SLC5A12: variants seen among roughly 807,000 people sequenced by gnomAD.
SLC5A12 encodes the protein solute carrier family 5 member 12.
In SLC5A12, 46 loss-of-function variants were observed where a neutral mutation model predicts 72.7. The ratio of observed to expected loss-of-function variants is 0.63; its 90% confidence interval spans 0.50 to 0.81. The LOEUF (loss-of-function observed/expected upper bound fraction) is 0.81. Among genes scored for constraint, SLC5A12 ranks in the 30% least tolerant of loss-of-function variants. SLC5A12 has a pLI of 0.00. For synonymous variants in SLC5A12, 275 were observed against 264.4 expected (o/e 1.04, Z -0.39); for missense variants, 683 against 740.7 (o/e 0.92, Z 0.90).
At chr11:26,697,372 A>G in intron 7 of SLC5A12, 120 bp from the exon 8 acceptor site, 1 of 804,978 alleles carries the variant, frequency 1.2e-6, no homozygotes, top group African/African-American at 1.8e-5. Context: ...ATGTGGGAAC[A>G]TAGCTGTTTA....
chr11:26,670,823 G>A lies in SLC5A12; in HGVS notation c.*279C>T. 3.6e-6 allele frequency: 1 copy of A among 276,354 alleles called. No individual in the cohort carries two copies. The highest frequency in any genetic ancestry group is 6.7e-6 in the Non-Finnish European group (1 of 149,620). The allele number at this position is 276,354 out of a possible 1,614,324, so 17.1% of individuals were successfully genotyped here. ...GCAAAAAGACTTCGCTTTCTTGAAT[G>A]GTAATGAAATCCAGCCCTAATTTAT... is the stretch of plus-strand genomic sequence containing the variant. On this transcript the variant is annotated 3_prime_UTR_variant, in exon 15 of 15. Transcript: ENST00000396005.
rs947387535 is a variant in SLC5A12 at position 26,669,161 on chromosome 11, C to A, written c.*1941G>T. The A allele has an allele frequency of 3.8e-5, 2 of 52,122 alleles. No homozygotes were observed. The highest frequency in any genetic ancestry group is 9.9e-5 in the Non-Finnish European group (2 of 20,236). 3.2% of individuals were successfully genotyped at this position (52,122 alleles called of 1,614,324 possible). A position where few individuals can be genotyped will look rare whatever the true frequency, so the allele number is the denominator to read the frequency against. ...TCTTTCTGTCTCTCTCTTCCTCTTC[C>A]TGTCTTTTTCTTTCTTTCTTTCTTC... On this transcript the variant is annotated 3_prime_UTR_variant, in exon 15 of 15. Transcript: ENST00000396005.
chr11:26,718,496 G>T (rs1222133672), intron 1 of SLC5A12, among the ~76,000 whole-genome samples: 1 of 152,138 alleles, frequency 6.6e-6, no homozygotes, highest in East Asian at 1.9e-4. Flanking sequence ...GTCTCACTCT[G>T]TTGCCCAGGT....
chr11:26,680,406 T>TAC (rs1208247220), intron 12 of SLC5A12, among the ~76,000 whole-genome samples: 1 of 123,434 alleles, frequency 8.1e-6, no homozygotes, highest in Non-Finnish European at 1.8e-5. Context: ...TATATATATA[T>TAC]ATATTTCCTC....
chr11:26,682,419 A>G (rs755541213), intron 11 of SLC5A12, among the ~76,000 whole-genome samples: 2 of 152,136 alleles, frequency 1.3e-5, no homozygotes, highest in Non-Finnish European at 1.5e-5. Context: ...TTGATCTATA[A>G]TGGCTAGCTG....
chr11:26,694,211 A>G (rs1854753684), intron 8 of SLC5A12, among the ~76,000 whole-genome samples: 1 of 152,100 alleles, frequency 6.6e-6, no homozygotes, highest in African/African-American at 2.4e-5. Context: ...CTATCTTCCC[A>G]TTCTATCCCT....
At chr11:26,675,602 A>C (rs1854246697) in intron 13 of SLC5A12, among the ~76,000 whole-genome samples, 3 of 152,188 alleles carry the variant, frequency 2.0e-5, no homozygotes, top group Admixed American at 2.0e-4. Flanking sequence ...GTTTATCCTA[A>C]GGAAAAGAAA....
At chr11:26,691,230 T>C (rs1472435833) in intron 9 of SLC5A12, among the ~76,000 whole-genome samples, 2 of 152,122 alleles carry the variant, frequency 1.3e-5, no homozygotes, top group Non-Finnish European at 2.9e-5. Context: ...AAAAATCTGA[T>C]GCCATTTTGT....
intron 6 of SLC5A12, among the ~76,000 whole-genome samples, chr11:26,701,563 A>G (rs1854958390): frequency 6.6e-6 from 1 of 152,180 alleles, no homozygotes; most frequent in Non-Finnish European, 1.5e-5. Flanking sequence ...AAACTACTTT[A>G]CTAAATCAGG....
intron 1 of SLC5A12, among the ~76,000 whole-genome samples, chr11:26,713,268 G>T (rs2133215454): frequency 6.6e-6 from 1 of 152,124 alleles, no homozygotes; most frequent in South Asian, 2.1e-4. Context: ...ACCTTCCATT[G>T]TCGGATCCAC....
chr11:26,687,996 G>T (rs1198606532), intron 9 of SLC5A12, among the ~76,000 whole-genome samples: 1 of 152,142 alleles, frequency 6.6e-6, no homozygotes, highest in Non-Finnish European at 1.5e-5. Context: ...CTCTCCTTCT[G>T]ACTGCCCTCT....
chr11:26,679,748 A>G (rs1478638409), intron 12 of SLC5A12, among the ~76,000 whole-genome samples: 1 of 152,176 alleles, frequency 6.6e-6, no homozygotes, highest in Admixed American at 6.6e-5. Context: ...TTAAAACCAC[A>G]GGAAAGTTTT....
rs767644665 is a variant in SLC5A12 at position 26,711,351 on chromosome 11, T to A, written c.413A>T (p.Tyr138Phe). The change falls in exon 3 of 15, where the codon TAC (tyrosine) becomes TTC (phenylalanine). Residue 138 changes from tyrosine (Y) to phenylalanine (F), a missense_variant. Coordinates refer to ENST00000396005, the MANE Select transcript of SLC5A12 (RefSeq NM_178498.4). Reference protein sequence around the residue: ...TVIYIVQTILYTGVVVYAPAL... With the variant: ...TVIYIVQTILFTGVVVYAPAL... ...AGGAGCATACACCACCACTCCTGTG[T>A]AGAGAATCTGGTAGAGAAACAAGAA... 6.2e-7 allele frequency: 1 copy of A among 1,611,452 alleles called. No homozygotes were observed. The highest frequency in any genetic ancestry group is 8.5e-7 in the Non-Finnish European group (1 of 1,178,348).
At chr11:26,698,628 GT>G in intron 6 of SLC5A12, 93 bp from the exon 7 acceptor site, 2 of 1,213,438 alleles carry the variant, frequency 1.6e-6, no homozygotes, top group South Asian at 2.1e-5. Flanking sequence ...AGGGTTTTGG[GT>G]CTTTTTGCTA....
chr11:26,679,194 A>T (rs1218919495), intron 12 of SLC5A12, among the ~76,000 whole-genome samples: 1 of 152,148 alleles, frequency 6.6e-6, no homozygotes, highest in Non-Finnish European at 1.5e-5. Context: ...ACAGGAGCTA[A>T]TAGACAATCA....
intron 7 of SLC5A12, among the ~76,000 whole-genome samples, chr11:26,697,673 C>T (rs111694332): frequency 4.1e-4 from 63 of 152,088 alleles, no homozygotes; most frequent in African/African-American, 1.4e-3. Context: ...TATATCAGCA[C>T]GATGTTTAAG....
At chr11:26,701,278 T>C (rs1162297423) in intron 6 of SLC5A12, among the ~76,000 whole-genome samples, 1 of 152,238 alleles carries the variant, frequency 6.6e-6, no homozygotes, top group African/African-American at 2.4e-5. Context: ...GGGAACCCTT[T>C]TCTAAAGAGA....
At chr11:26,709,565 C>T (rs1038510159) in intron 3 of SLC5A12, among the ~76,000 whole-genome samples, 186 bp from the exon 4 acceptor site, 3 of 152,032 alleles carry the variant, frequency 2.0e-5, no homozygotes, top group Admixed American at 6.6e-5. Context: ...TATTTTTATA[C>T]TTCTATCTAG....
At position 26,673,486 on chromosome 11, in the gene SLC5A12, T is replaced by C. The variant is rs1233648879; in HGVS notation, c.1623A>G (p.Pro541=). ...ACCAAAAGCAAAATAAATTACAAACTGGTCTAATTAACAGTGGTTGAATAT... is the reference window on the plus strand; with the variant it reads ...ACCAAAAGCAAAATAAATTACAAACCGGTCTAATTAACAGTGGTTGAATAT... The part of the protein sequence containing the change: ...GEDIQPLLIR[P]VCNLFCFWSK... Residue 541 remains proline, a synonymous_variant, in exon 14 of 15, where the codon CCA becomes CCG. Transcript: ENST00000396005. 2 of 1,611,840 alleles carry C rather than the reference T, an allele frequency of 1.2e-6. No homozygotes were observed. The highest frequency in any genetic ancestry group is 2.7e-5 in the African/African-American group (2 of 74,804).
Sources: gnomAD v4.1 joint callset for allele counts (sites outside exome capture counted in the v4.1 genomes callset) on GRCh38, gnomAD v4.1.1 for gene constraint, MANE v1.5 for transcripts, NCBI Gene and HGNC (gene_info 2026-07-23, HGNC 2026-07-21) for gene names.